SLC4A11: variants seen among roughly 807,000 people sequenced by gnomAD.
The protein encoded by SLC4A11 is bicarbonate transporter related protein 1.
A neutral mutation model predicts 95.0 loss-of-function variants in SLC4A11; 74 were observed. That is an observed-to-expected ratio of 0.78 (90% CI 0.65 to 0.95). The LOEUF is 0.95. Ranked by LOEUF, SLC4A11 falls within the 40% of genes least tolerant of loss-of-function variation. The pLI is 0.00. For synonymous variants in SLC4A11, 548 were observed against 519.0 expected (o/e 1.06, Z -0.76); for missense variants, 1,081 against 1,192.4 (o/e 0.91, Z 1.38).
chr20:3,238,980 C>A, intron 1 of SLC4A11, 115 bp downstream of exon 1: 1 of 1,318,516 alleles, frequency 7.6e-7, no homozygotes. Context: ...TCTCGCCCAC[C>A]GGCCCCGGCC....
chr20:3,237,704 A>T, intron 1 of SLC4A11, 116 bp from the exon 2 acceptor site: 1 of 1,613,900 alleles, frequency 6.2e-7, no homozygotes, highest in Non-Finnish European at 8.5e-7. Flanking sequence ...GAGGGATGCA[A>T]CCCACGCCAC....
At chr20:3,239,050 G>A (rs1277182652) in intron 1 of SLC4A11, 45 bp downstream of exon 1, 2 of 1,466,620 alleles carry the variant, frequency 1.4e-6, no homozygotes, top group East Asian at 3.0e-5. Context: ...CGGTGGCGGA[G>A]ACCCGGGCGG....
chr20:3,239,292 C>G (rs1384003397), upstream of SLC4A11: 6 of 1,179,006 alleles, frequency 5.1e-6, no homozygotes, highest in Non-Finnish European at 6.3e-6. Flanking sequence ...CGCGCCCGGG[C>G]GCGGTAGGCA....
At chr20:3,233,706 C>G (rs1466097759) in intron 6 of SLC4A11, 69 bp from the exon 7 acceptor site, 2 of 1,600,922 alleles carry the variant, frequency 1.2e-6, no homozygotes, top group African/African-American at 2.7e-5. Context: ...GACCCAGAAC[C>G]CCCTCGACCT....
rs369591022 is a variant in SLC4A11, at chr20:3,228,727, G to A, written c.2193-20C>T. ...ACAATCCTGCGGTGGCCCGAGCCGC[G>A]AGTGTCACCTCTGCGCCCCTGTCCA... On this transcript the variant is annotated intron_variant, in intron 17 of 19. Transcript: ENST00000642402. 1.3e-5 allele frequency: 21 copies of A among 1,612,390 alleles called. No individual in the cohort carries two copies. Among genetic ancestry groups the A allele is most frequent in the Middle Eastern group, 1.6e-4 (1 of 6,084 alleles).
chr20:3,230,350 T>C, intron 12 of SLC4A11, 90 bp from the exon 13 acceptor site: 2 of 1,569,044 alleles, frequency 1.3e-6, no homozygotes, highest in Non-Finnish European at 1.8e-6. Context: ...GTCCCCTGCC[T>C]CCCCCTGCCA....
At chr20:3,236,083 G>A (rs2067972438) in intron 2 of SLC4A11, among the ~76,000 whole-genome samples, 1 of 152,100 alleles carries the variant, frequency 6.6e-6, no homozygotes, top group Non-Finnish European at 1.5e-5. Flanking sequence ...AACAAGGATG[G>A]GTCAGCAGCA....
At position 3,234,421 on chromosome 20, in the gene SLC4A11, G is replaced by GCCCCCAA; in HGVS notation, c.292-108_292-107insTTGGGGG. 6.7e-7 allele frequency: 1 copy of GCCCCCAA among 1,503,456 alleles called. No homozygotes were observed. The highest frequency in any genetic ancestry group is 9.2e-7 in the Non-Finnish European group (1 of 1,086,732). The allele number at this position is 1,503,456 out of a possible 1,614,324, so 93.1% of individuals were successfully genotyped here. ...GCAGCAGTCCAGCCCCCAGCCCCCA[G>GCCCCCAA]CCCCCAGCCCTGGGCTGGTGCGAGC... On this transcript the variant is annotated intron_variant, in intron 4 of 19. Transcript: ENST00000642402. The surrounding 1 kb of genome is among the most constrained non-coding windows in gnomAD (Gnocchi z 5.8).
chr20:3,235,028 G>A (rs565015424), intron 2 of SLC4A11, 134 bp from the exon 3 acceptor site: 7 of 1,058,486 alleles, frequency 6.6e-6, no homozygotes, highest in South Asian at 1.3e-5. Context: ...CATCCCATAG[G>A]CGAGGAAGGC....
At chr20:3,233,757 A>C in intron 6 of SLC4A11, 120 bp from the exon 7 acceptor site, 1 of 1,544,008 alleles carries the variant, frequency 6.5e-7, no homozygotes, top group Non-Finnish European at 8.8e-7. Flanking sequence ...AAAGAAGAGC[A>C]AATGGGACGT....
intron 1 of SLC4A11, chr20:3,238,108 C>T (rs943705047): frequency 1.4e-6 from 2 of 1,457,232 alleles, no homozygotes; most frequent in Non-Finnish European, 1.8e-6. Flanking sequence ...CCCCGGGTCA[C>T]ACGGGGGCCG....
Position 3,227,655 on chromosome 20 carries a change from A to G in SLC4A11, c.*132T>C. Reference sequence around the variant, plus strand: ...CACCCCTACAATGCCCAGATGCCCCAGGCCTGAGTCAGCCATGAGAAGGCG... The same window carrying G: ...CACCCCTACAATGCCCAGATGCCCCGGGCCTGAGTCAGCCATGAGAAGGCG... On this transcript the variant is annotated 3_prime_UTR_variant, in exon 20 of 20. Coordinates refer to ENST00000642402, the MANE Select transcript of SLC4A11 (RefSeq NM_001174089.2). The G allele has an allele frequency of 1.1e-6, 1 of 920,602 alleles. No individual in the cohort carries two copies. Among genetic ancestry groups the G allele is most frequent in the Non-Finnish European group, 1.7e-6 (1 of 585,640 alleles). The allele number at this position is 920,602 out of a possible 1,614,324, so 57.0% of individuals were successfully genotyped here.
rs190463957 is a variant in SLC4A11, at chr20:3,231,171, C to A, written c.1020G>T (p.Leu340Phe). ...IREDIARRFPLYPLDFTDGII... is the reference protein window; with the variant it reads ...IREDIARRFPFYPLDFTDGII... ...TACCATCAGTGAAGTCCAAGGGGTA[C>A]AAGGGGAACCTGCGTGCGATGTCCT... Residue 340 changes from leucine (L) to phenylalanine (F), a missense_variant, in exon 9 of 20, where the codon TTG (leucine) becomes TTT (phenylalanine). By Grantham distance (22) the Leu-to-Phe change is conservative. This residue lies in a region of SLC4A11 where 767 missense variants were observed against 858.0 expected (regional missense o/e 0.89). Coordinates refer to ENST00000642402, the MANE Select transcript of SLC4A11 (RefSeq NM_001174089.2). This position sits in a 1 kb window ranked among gnomAD's most constrained non-coding sequence, Gnocchi z 5.2. 1 of 1,614,152 alleles carries A rather than the reference C, an allele frequency of 6.2e-7. No homozygotes were observed. The highest frequency in any genetic ancestry group is 1.7e-5 in the Admixed American group (1 of 60,026).
intron 12 of SLC4A11, 56 bp downstream of exon 12, chr20:3,230,459 G>A: frequency 2.5e-6 from 4 of 1,612,266 alleles, no homozygotes; most frequent in Non-Finnish European, 3.4e-6. Context: ...GTTACAGGGG[G>A]CTGAACCAGA....
chr20:3,234,356 G>A lies in SLC4A11; in HGVS notation c.292-42C>T. 1 of 1,583,780 alleles carries A rather than the reference G, an allele frequency of 6.3e-7. No individual in the cohort carries two copies. The highest frequency in any genetic ancestry group is 8.7e-7 in the Non-Finnish European group (1 of 1,155,590). ...GACAGAACCACACGGGCCCATGTAT[G>A]AGATGCTGTCACTGCCTGGTCCCTC... On this transcript the variant is annotated intron_variant, in intron 4 of 19. Coordinates refer to ENST00000642402, the MANE Select transcript of SLC4A11 (RefSeq NM_001174089.2). The surrounding 1 kb of genome is among the most constrained non-coding windows in gnomAD (Gnocchi z 5.8).
chr20:3,235,307 T>TCACA (rs1425800280), intron 2 of SLC4A11, among the ~76,000 whole-genome samples: 1,977 of 110,524 alleles, frequency 0.018, 15 homozygotes, highest in Admixed American at 0.024. Flanking sequence ...TCTCTCTCTC[T>TCACA]CTCACACACA....
rs748474270 is a variant in SLC4A11 at position 3,234,136 on chromosome 20, T to C, written c.470A>G (p.Asp157Gly). Residue 157 changes from aspartate (D) to glycine (G), a missense_variant, in exon 5 of 20, where the codon GAC (aspartate) becomes GGC (glycine). Asp to Gly is a moderately conservative substitution (Grantham distance 94). Around this residue, in one of 3 missense-constraint regions of SLC4A11, gnomAD observed 310 missense variants for 313.5 expected, o/e 0.99. Coordinates refer to ENST00000642402, the MANE Select transcript of SLC4A11 (RefSeq NM_001174089.2). This position sits in a 1 kb window ranked among gnomAD's most constrained non-coding sequence, Gnocchi z 5.8. The part of the protein sequence containing the change: ...PDNNEPNCNL[D>G]LLMAMLFTDA... Reference sequence around the variant, plus strand: ...GGTGAAGAGCATGGCCATGAGCAGGTCCAGGTTGCAGTTGGGCTCATTGTT... The same window carrying C: ...GGTGAAGAGCATGGCCATGAGCAGGCCCAGGTTGCAGTTGGGCTCATTGTT... 3.8e-5 allele frequency: 61 copies of C among 1,613,900 alleles called. No homozygotes were observed. Among genetic ancestry groups the C allele is most frequent in the Non-Finnish European group, 5.1e-5 (60 of 1,180,004 alleles).
intron 2 of SLC4A11, among the ~76,000 whole-genome samples, chr20:3,235,428 G>A (rs13039126): frequency 2.6e-5 from 4 of 152,112 alleles, no homozygotes; most frequent in African/African-American, 9.7e-5. Flanking sequence ...TCGAGGCTGA[G>A]AGACCCAGGA....
At chr20:3,237,205 T>C (rs751061054) in intron 2 of SLC4A11, among the ~76,000 whole-genome samples, 1 of 152,126 alleles carries the variant, frequency 6.6e-6, no homozygotes, top group Admixed American at 6.5e-5. Context: ...AGATATTCCC[T>C]CCAGGGCTGG....
Sources: allele counts gnomAD v4.1 joint callset (sites outside exome capture counted in the v4.1 genomes callset), GRCh38; gene constraint gnomAD v4.1.1; regional missense constraint gnomAD v4.1.1; non-coding constraint Gnocchi (gnomAD v3.1); transcripts MANE v1.5; gene names NCBI Gene and HGNC (gene_info 2026-07-23, HGNC 2026-07-21).